The following AGBL1 variants were observed in gnomAD, a reference collection of about 807,000 sequenced individuals.
AGBL1 encodes AGBL carboxypeptidase 1, also known as cytosolic carboxypeptidase 4.
Under a neutral mutation model 118.9 loss-of-function variants are expected in AGBL1, and 130 were observed. The observed-to-expected ratio is 1.09, with a 90% CI of 0.95 to 1.26. The LOEUF (loss-of-function observed/expected upper bound fraction) is 1.26, where lower values mean the gene tolerates loss of function less well. AGBL1 is among the 50% of genes most tolerant of loss of function. The probability of loss-of-function intolerance (pLI) is 0.00; values close to 1 mark genes in which losing one functional copy is unlikely to be tolerated. For synonymous variants in AGBL1, 555 were observed against 478.9 expected, an observed-to-expected ratio of 1.16 and a Z score of -2.08; for missense variants, 1,584 against 1,298.1, an observed-to-expected ratio of 1.22 and a Z score of -3.38.
chr15:86,438,487 G>A (rs1209153792), intron 18 of AGBL1, among the ~76,000 whole-genome samples: 1 of 151,704 alleles, frequency 6.6e-6, no homozygotes, highest in Non-Finnish European at 1.5e-5. Flanking sequence ...CACCATCCAG[G>A]GTTACCAGAT....
chr15:86,321,817 TTATCTC>T (rs1209840185), intron 17 of AGBL1, among the ~76,000 whole-genome samples: 2 of 152,112 alleles, frequency 1.3e-5, no homozygotes, highest in Non-Finnish European at 2.9e-5. Context: ...AAATGCCACT[TTATCTC>T]TATACCACTG....
chr15:86,483,743 T>A (rs1434880636), intron 18 of AGBL1, among the ~76,000 whole-genome samples: 1 of 152,108 alleles, frequency 6.6e-6, no homozygotes, highest in Non-Finnish European at 1.5e-5. Flanking sequence ...ATTTCCAAAG[T>A]GATTACAGAA....
At chr15:86,968,884 A>G (rs760500003) in intron 23 of AGBL1, among the ~76,000 whole-genome samples, 6 of 151,880 alleles carry the variant, frequency 4.0e-5, no homozygotes, top group Non-Finnish European at 7.4e-5. Context: ...ATCGTGGAAG[A>G]GGCAAGCAAG....
At chr15:86,378,199 T>C (rs145081189) in intron 17 of AGBL1, among the ~76,000 whole-genome samples, 19 of 152,286 alleles carry the variant, frequency 1.2e-4, no homozygotes, top group African/African-American at 4.6e-4. Context: ...AATGCAGTAT[T>C]GTCATCTTTT....
intron 23 of AGBL1, among the ~76,000 whole-genome samples, chr15:86,971,393 C>T (rs1172464175): frequency 1.3e-5 from 2 of 151,962 alleles, no homozygotes; most frequent in Non-Finnish European, 2.9e-5. Flanking sequence ...CTGCTCTAAA[C>T]AGCATTCTAC....
At position 86,763,349 on chromosome 15, in the gene AGBL1, A is replaced by G. The variant is rs149224669; in HGVS notation, c.3158+88913A>G. Among the ~76,000 whole-genome samples, 134 of 152,164 alleles carry G rather than the reference A, an allele frequency of 8.8e-4. No individual in the cohort carries two copies. The Middle Eastern group carries it at 0.014, about 15-fold the overall frequency. The stretch of plus-strand genomic sequence containing the variant: ...TCACTAAAGAACTATTTAACTCACA[A>G]AGTGGCTGAGAATATTGTATCCTCA... On this transcript the variant is annotated intron_variant, in intron 22 of 22. Coordinates refer to ENST00000614907, the MANE Select transcript of AGBL1 (RefSeq NM_001386094.1).
intron 24 of AGBL1, among the ~76,000 whole-genome samples, chr15:87,025,557 G>T (rs62031618): frequency 0.13 from 19,168 of 151,948 alleles, 1,271 homozygotes; most frequent in East Asian, 0.15. Context: ...TCAATATTGT[G>T]AAAATAACGT....
At chr15:86,690,774 G>A (rs1382464206) in intron 22 of AGBL1, among the ~76,000 whole-genome samples, 1 of 152,114 alleles carries the variant, frequency 6.6e-6, no homozygotes, top group Non-Finnish European at 1.5e-5. Flanking sequence ...GGGTGGTTTT[G>A]TGTGGGTGCT....
intron 22 of AGBL1, among the ~76,000 whole-genome samples, chr15:86,858,405 G>C (rs1462634799): frequency 6.6e-6 from 1 of 152,098 alleles, no homozygotes; most frequent in African/African-American, 2.4e-5. Flanking sequence ...ACTGGGGCCA[G>C]AGAAAAACAG....
At chr15:86,491,480 G>A (rs943190763) in intron 18 of AGBL1, among the ~76,000 whole-genome samples, 2 of 152,240 alleles carry the variant, frequency 1.3e-5, no homozygotes, top group South Asian at 2.1e-4. Flanking sequence ...ATGTGGTACA[G>A]CAATTACAGT....
exon 25 of AGBL1, chr15:87,028,983 A>T: frequency 1.3e-6 from 1 of 760,972 alleles, no homozygotes; most frequent in Non-Finnish European, 2.1e-6. Context: ...GCACTCCCTT[A>T]TCTAGTATAT....
At chr15:86,949,878 TATC>T (rs1402106308) in intron 23 of AGBL1, among the ~76,000 whole-genome samples, 1 of 152,124 alleles carries the variant, frequency 6.6e-6, no homozygotes, top group Non-Finnish European at 1.5e-5. Flanking sequence ...ATAGGACACT[TATC>T]ATTAATAATT....
At chr15:86,891,292 C>A (rs2080048840) in intron 22 of AGBL1, among the ~76,000 whole-genome samples, 1 of 151,876 alleles carries the variant, frequency 6.6e-6, no homozygotes, top group South Asian at 2.1e-4. Flanking sequence ...GGGCTGGATG[C>A]TTTGATTTCT....
At chr15:86,153,591 C>T (rs182009883) in intron 3 of AGBL1, among the ~76,000 whole-genome samples, 346 of 152,284 alleles carry the variant, frequency 2.3e-3, no homozygotes, top group African/African-American at 8.0e-3. Context: ...CAAACCAACA[C>T]AGCACATGTA....
At chr15:86,712,626 G>A (rs928305117) in intron 22 of AGBL1, among the ~76,000 whole-genome samples, 1 of 152,296 alleles carries the variant, frequency 6.6e-6, no homozygotes. Context: ...TGGATTCACT[G>A]TGCAGCAGTG....
intron 17 of AGBL1, chr15:86,317,305 C>G (rs2080027854): frequency 2.0e-5 from 3 of 152,272 alleles, no homozygotes; most frequent in South Asian, 2.1e-4. Flanking sequence ...GGCAAGAGAG[C>G]AGATGGGCTT....
intron 22 of AGBL1, among the ~76,000 whole-genome samples, chr15:86,690,832 C>G (rs1000012072): frequency 6.6e-6 from 1 of 152,024 alleles, no homozygotes; most frequent in African/African-American, 2.4e-5. Context: ...TTGTTAGTCT[C>G]TTGAAGGGAA....
chr15:86,693,437 T>A, intron 22 of AGBL1, among the ~76,000 whole-genome samples: 1 of 152,116 alleles, frequency 6.6e-6, no homozygotes, highest in East Asian at 1.9e-4. Context: ...TAGCCCACTT[T>A]TTTGATGGGA....
At chr15:86,552,310 C>T (rs1317845715) in intron 20 of AGBL1, among the ~76,000 whole-genome samples, 2 of 151,702 alleles carry the variant, frequency 1.3e-5, no homozygotes, top group Admixed American at 6.6e-5. Context: ...TTAAATAAAG[C>T]CTTTTTATTT....
Sources: gnomAD v4.1 joint callset for allele counts (sites outside exome capture counted in the v4.1 genomes callset) on GRCh38, gnomAD v4.1.1 for gene constraint, MANE v1.5 for transcripts, NCBI Gene and HGNC (gene_info 2026-07-23, HGNC 2026-07-21) for gene names.